The following HBS1L variants were observed in gnomAD, a reference collection of about 807,000 sequenced individuals.
HBS1L encodes HBS1 like translational GTPase.
Under a neutral mutation model 88.9 loss-of-function variants are expected in HBS1L, and 55 were observed. That is an observed-to-expected ratio of 0.62 (90% CI 0.50 to 0.77). The LOEUF (loss-of-function observed/expected upper bound fraction) is 0.77, where lower values mean the gene tolerates loss of function less well. Ranked by LOEUF, HBS1L falls within the 30% of genes least tolerant of loss-of-function variation. The pLI, the probability that HBS1L is intolerant of heterozygous loss-of-function variation, is 0.00. For synonymous variants in HBS1L, 267 were observed against 288.5 expected (o/e 0.93, Z 0.76); for missense variants, 741 against 829.3 (o/e 0.89, Z 1.31).
At chr6:134,992,336 A>T (rs1775163578) in intron 8 of HBS1L, among the ~76,000 whole-genome samples, 2 of 152,046 alleles carry the variant, frequency 1.3e-5, no homozygotes, top group African/African-American at 4.8e-5. Context: ...GGAGCTGAAA[A>T]ACTCCCATTG....
intron 13 of HBS1L, among the ~76,000 whole-genome samples, chr6:134,980,877 T>C (rs1268067330): frequency 6.6e-6 from 1 of 151,944 alleles, no homozygotes; most frequent in East Asian, 1.9e-4. Flanking sequence ...GACAGAACAG[T>C]GCTTTCAAGA....
chr6:135,003,854 G>C (rs1775534468), intron 4 of HBS1L, among the ~76,000 whole-genome samples: 1 of 152,138 alleles, frequency 6.6e-6, no homozygotes, highest in Admixed American at 6.6e-5. Flanking sequence ...GACAGAGTGA[G>C]ACTCCGTCTC....
At chr6:134,969,486 C>G (rs1774420312) in intron 15 of HBS1L, 148 bp from the exon 16 acceptor site, 1 of 610,170 alleles carries the variant, frequency 1.6e-6, no homozygotes, top group Non-Finnish European at 2.9e-6. Flanking sequence ...TCCCACCACT[C>G]TAATCAGGTG....
chr6:134,992,889 G>A (rs2114796246), intron 8 of HBS1L, among the ~76,000 whole-genome samples: 1 of 152,286 alleles, frequency 6.6e-6, no homozygotes, highest in South Asian at 2.1e-4. Context: ...TTCACTCACT[G>A]AATCACCCAG....
intron 4 of HBS1L, among the ~76,000 whole-genome samples, chr6:135,028,237 G>A (rs1776289835): frequency 6.8e-6 from 1 of 148,082 alleles, no homozygotes; most frequent in African/African-American, 2.5e-5. Flanking sequence ...CAAAATTTAG[G>A]GAAGAAAAAA....
intron 8 of HBS1L, among the ~76,000 whole-genome samples, chr6:134,991,639 T>G (rs978481980): frequency 6.6e-6 from 1 of 152,250 alleles, no homozygotes; most frequent in African/African-American, 2.4e-5. Context: ...TTTTATCACA[T>G]TCAGTCCATG....
In HBS1L at chr6:135,000,222, A is replaced by ATTTTTTT. The variant is rs33946758; in HGVS notation, c.539+2505_539+2511dup. On this transcript the variant is annotated intron_variant, in intron 5 of 17. Transcript: ENST00000367837. ...AGGCAAGCACCACTATACCCAGCTA[A>ATTTTTTT]TTTTTTTTTTTTTTTGGTAGAGATG... is the stretch of plus-strand genomic sequence containing the variant. Among the ~76,000 whole-genome samples, 49 of 129,416 alleles carry ATTTTTTT rather than the reference A, an allele frequency of 3.8e-4. 1 individual carries two copies. Among genetic ancestry groups the ATTTTTTT allele is most frequent in the African/African-American group, 1.4e-3 (41 of 28,916 alleles). 84.9% of individuals were successfully genotyped at this position (129,416 alleles called of 152,430 possible). A position where few individuals can be genotyped will look rare whatever the true frequency, so the allele number is the denominator to read the frequency against.
chr6:134,987,490 C>T (rs1490619469), intron 9 of HBS1L, among the ~76,000 whole-genome samples, 155 bp downstream of exon 9: 1 of 151,924 alleles, frequency 6.6e-6, no homozygotes, highest in African/African-American at 2.4e-5. Flanking sequence ...AAATTACTAA[C>T]ACCTCATTTA....
At chr6:134,966,604 T>C (rs1774323663) in intron 16 of HBS1L, 131 bp from the exon 17 acceptor site, 1 of 589,110 alleles carries the variant, frequency 1.7e-6, no homozygotes, top group African/African-American at 2.1e-5. Flanking sequence ...AGAAAAATAT[T>C]TTTTGAATGA....
intron 4 of HBS1L, among the ~76,000 whole-genome samples, chr6:135,018,354 G>C (rs1271851573): frequency 1.3e-5 from 2 of 151,904 alleles, no homozygotes; most frequent in Admixed American, 6.6e-5. Flanking sequence ...AGCATAACTT[G>C]CCTCATCAAA....
intron 7 of HBS1L, among the ~76,000 whole-genome samples, chr6:134,995,552 G>A (rs1033857943): frequency 2.6e-5 from 4 of 151,778 alleles, no homozygotes; most frequent in African/African-American, 9.7e-5. Flanking sequence ...TAGTTCACTT[G>A]CCAGCTCAAC....
intron 4 of HBS1L, chr6:135,036,250 A>G (rs1475823077): frequency 1.0e-6 from 1 of 962,318 alleles, no homozygotes; most frequent in African/African-American, 1.8e-5. Context: ...ATTTCATTAT[A>G]AAAAACATAG....
chr6:134,982,711 T>A, intron 12 of HBS1L, 149 bp from the exon 13 acceptor site: 1 of 449,532 alleles, frequency 2.2e-6, no homozygotes, highest in East Asian at 3.4e-5. Context: ...ACATCTCTAC[T>A]AAATATGGCA....
chr6:135,029,029 A>G (rs1427337890), intron 4 of HBS1L, among the ~76,000 whole-genome samples: 2 of 152,118 alleles, frequency 1.3e-5, no homozygotes, highest in East Asian at 1.9e-4. Flanking sequence ...AAGGTACTAC[A>G]ATAAATCCAT....
In HBS1L at chr6:134,969,220, C is replaced by G. The variant is rs1774411232; in HGVS notation, c.1898+18G>C. 2 of 1,509,408 alleles carry G rather than the reference C, an allele frequency of 1.3e-6. No individual in the cohort carries two copies. Among genetic ancestry groups the G allele is most frequent in the Non-Finnish European group, 1.8e-6 (2 of 1,085,924 alleles). The allele number at this position is 1,509,408 out of a possible 1,614,324, so 93.5% of individuals were successfully genotyped here. On this transcript the variant is annotated intron_variant, in intron 16 of 17. Coordinates refer to ENST00000367837, the MANE Select transcript of HBS1L (RefSeq NM_006620.4). ...GGCTTAAATTGCTTGTTTATCATTTCTGTATTAAAACACTCACTTAGGCTT... is the reference window on the plus strand; with the variant it reads ...GGCTTAAATTGCTTGTTTATCATTTGTGTATTAAAACACTCACTTAGGCTT...
At chr6:135,026,407 A>G (rs1156589390) in intron 4 of HBS1L, among the ~76,000 whole-genome samples, 3 of 152,180 alleles carry the variant, frequency 2.0e-5, no homozygotes, top group Non-Finnish European at 4.4e-5. Context: ...AAACTATAAA[A>G]TTTCCAAGTT....
In HBS1L at chr6:134,965,062, T is replaced by G. The variant is rs909396775; in HGVS notation, c.*217A>C. 2 of 564,614 alleles carry G rather than the reference T, an allele frequency of 3.5e-6. No individual in the cohort carries two copies. The highest frequency in any genetic ancestry group is 6.2e-5 in the East Asian group (2 of 32,432). 35.0% of individuals were successfully genotyped at this position (564,614 alleles called of 1,614,324 possible). On this transcript the variant is annotated 3_prime_UTR_variant, in exon 18 of 18. Transcript: ENST00000367837. ...ATTTATTAACGTTTCAAAGGCAAAGTTGTTTTTAACATTAGACTTTCTTTG... is the reference window on the plus strand; with the variant it reads ...ATTTATTAACGTTTCAAAGGCAAAGGTGTTTTTAACATTAGACTTTCTTTG...
intron 4 of HBS1L, among the ~76,000 whole-genome samples, chr6:135,009,641 C>CT (rs1167704577): frequency 2.2e-4 from 33 of 149,182 alleles, no homozygotes; most frequent in African/African-American, 3.9e-4. Context: ...ATTACATATT[C>CT]TTTTTTTTTT....
intron 3 of HBS1L, among the ~76,000 whole-genome samples, chr6:135,040,347 T>TC (rs1776694185): frequency 1.8e-5 from 1 of 56,552 alleles, no homozygotes; most frequent in Non-Finnish European, 4.0e-5. Context: ...AGGCATTCTT[T>TC]TTTTTTTTTT....
Sources: allele counts gnomAD v4.1 joint callset (sites outside exome capture counted in the v4.1 genomes callset), GRCh38; gene constraint gnomAD v4.1.1; transcripts MANE v1.5; gene names NCBI Gene and HGNC (gene_info 2026-07-23, HGNC 2026-07-21).